Variants in NRG3 observed in about 807,000 individuals in gnomAD.
NRG3 encodes the protein neuregulin 3, also known as pro-neuregulin-3, membrane-bound isoform.
NRG3 carries 31 observed loss-of-function variants against 66.9 expected under a neutral mutation model. That is an observed-to-expected ratio of 0.46 (90% CI 0.35 to 0.63). The LOEUF (loss-of-function observed/expected upper bound fraction) is 0.63. NRG3 is among the 20% of genes least tolerant of loss of function. The pLI, the probability that NRG3 is intolerant of heterozygous loss-of-function variation, is 0.00. For missense variants in NRG3, 910 were observed against 878.9 expected, an observed-to-expected ratio of 1.04 and a Z score of -0.45; for synonymous variants, 393 against 359.4, an observed-to-expected ratio of 1.09 and a Z score of -1.06.
intron 2 of NRG3, among the ~76,000 whole-genome samples, chr10:82,720,189 A>G (rs1248985154): frequency 1.3e-5 from 2 of 152,192 alleles, no homozygotes; most frequent in Non-Finnish European, 2.9e-5. Flanking sequence ...CAGGGGTTCA[A>G]GACCAGCCTG....
chr10:82,510,793 G>A (rs1845098091), intron 2 of NRG3, among the ~76,000 whole-genome samples: 1 of 152,108 alleles, frequency 6.6e-6, no homozygotes, highest in South Asian at 2.1e-4. Flanking sequence ...AGAGGGCAAG[G>A]AAATCCAGGC....
chr10:82,450,832 A>T (rs2090988302), intron 2 of NRG3, among the ~76,000 whole-genome samples: 1 of 152,160 alleles, frequency 6.6e-6, no homozygotes, highest in Non-Finnish European at 1.5e-5. Context: ...CTAATAAAAT[A>T]CTCAACAGTT....
chr10:82,464,466 C>CCA (rs1388444532), intron 2 of NRG3, among the ~76,000 whole-genome samples: 3 of 152,202 alleles, frequency 2.0e-5, no homozygotes. Flanking sequence ...ATCACATGCA[C>CCA]ATGATATCTT....
chr10:82,015,144 T>C (rs1183042785), intron 1 of NRG3, among the ~76,000 whole-genome samples: 4 of 152,146 alleles, frequency 2.6e-5, no homozygotes, highest in East Asian at 1.9e-4. Context: ...GACAACAATG[T>C]TGTAGTTAGC....
chr10:82,424,831 G>A (rs957754549), intron 2 of NRG3, among the ~76,000 whole-genome samples: 4 of 151,450 alleles, frequency 2.6e-5, no homozygotes, highest in African/African-American at 9.7e-5. Flanking sequence ...ATGAGGTCAG[G>A]TTCCAAATTT....
intron 4 of NRG3, among the ~76,000 whole-genome samples, chr10:82,925,700 G>C (rs1846915623): frequency 6.6e-6 from 1 of 152,150 alleles, no homozygotes; most frequent in Non-Finnish European, 1.5e-5. Context: ...GAGAGAGGTA[G>C]GTACAGTTAT....
intron 3 of NRG3, among the ~76,000 whole-genome samples, chr10:82,763,583 A>G (rs1291029628): frequency 6.6e-6 from 1 of 152,206 alleles, no homozygotes; most frequent in Non-Finnish European, 1.5e-5. Flanking sequence ...ATATACGAGT[A>G]AAGAACATTA....
At chr10:81,977,371 T>C (rs1589662531) in intron 1 of NRG3, among the ~76,000 whole-genome samples, 1 of 152,334 alleles carries the variant, frequency 6.6e-6, no homozygotes, top group East Asian at 1.9e-4. Context: ...TGTTAAATTC[T>C]TTAAAAATAT....
At chr10:82,156,621 A>G (rs2071206850) in intron 1 of NRG3, among the ~76,000 whole-genome samples, 1 of 151,684 alleles carries the variant, frequency 6.6e-6, no homozygotes, top group South Asian at 2.1e-4. Context: ...AGAAATTTCT[A>G]GTGAATTTCC....
chr10:82,163,844 T>C (rs889148021), intron 1 of NRG3, among the ~76,000 whole-genome samples: 5 of 152,036 alleles, frequency 3.3e-5, no homozygotes, highest in Admixed American at 3.3e-4. Flanking sequence ...TTATTTTCAG[T>C]GTGGTGAGAT....
At chr10:82,903,514 T>C (rs925839853) in intron 4 of NRG3, among the ~76,000 whole-genome samples, 3 of 152,114 alleles carry the variant, frequency 2.0e-5, no homozygotes, top group Admixed American at 6.6e-5. Context: ...AATTGCTTGA[T>C]ATATACCGTG....
intron 1 of NRG3, among the ~76,000 whole-genome samples, chr10:82,190,062 G>C (rs755053452): frequency 2.0e-5 from 3 of 152,104 alleles, no homozygotes; most frequent in Non-Finnish European, 2.9e-5. Context: ...TTCAGAACGG[G>C]GTCTTCCAAA....
chr10:82,559,943 T>G (rs1005828619), intron 2 of NRG3, among the ~76,000 whole-genome samples: 3 of 152,054 alleles, frequency 2.0e-5, no homozygotes, highest in Admixed American at 1.3e-4. Flanking sequence ...AAGTTTTGTT[T>G]TGCTTAAAAT....
intron 3 of NRG3, among the ~76,000 whole-genome samples, chr10:82,793,392 G>A (rs1034960381): frequency 2.6e-5 from 4 of 152,074 alleles, no homozygotes; most frequent in Non-Finnish European, 5.9e-5. Context: ...ATTAGGGAGA[G>A]GGTAGATATG....
At chr10:82,607,901 A>T (rs1319805096) in intron 2 of NRG3, among the ~76,000 whole-genome samples, 2 of 152,142 alleles carry the variant, frequency 1.3e-5, no homozygotes, top group Non-Finnish European at 2.9e-5. Context: ...TTATAACATT[A>T]TGTTCATTCA....
At chr10:82,447,959 A>G (rs1264677547) in intron 2 of NRG3, among the ~76,000 whole-genome samples, 1 of 152,204 alleles carries the variant, frequency 6.6e-6, no homozygotes, top group East Asian at 1.9e-4. Context: ...CAGTTCCGTT[A>G]CGCCTTTTAA....
chr10:82,175,458 T>C (rs2072957534), intron 1 of NRG3, among the ~76,000 whole-genome samples: 1 of 152,192 alleles, frequency 6.6e-6, no homozygotes, highest in Non-Finnish European at 1.5e-5. Flanking sequence ...CAGACTATAC[T>C]TTCCTCTAAA....
intron 3 of NRG3, among the ~76,000 whole-genome samples, chr10:82,767,012 T>C (rs2059540298): frequency 6.7e-6 from 1 of 149,416 alleles, no homozygotes; most frequent in African/African-American, 2.4e-5. Context: ...ATATATGATA[T>C]ATATAAATCC....
rs191713291 is a variant in NRG3, at chr10:82,376,198, G to A, written c.953+17330G>A. Among the ~76,000 whole-genome samples, 583 of 152,246 alleles carry A rather than the reference G, an allele frequency of 3.8e-3. 1 individual carries two copies. Among genetic ancestry groups the A allele is most frequent in the African/African-American group, 0.013 (549 of 41,556 alleles). On this transcript the variant is annotated intron_variant, in intron 2 of 8. Transcript: ENST00000372141. Reference sequence around the variant, plus strand: ...GCCTTATCTAGCAAGGCTTTACACCGGAGCTCTTCCACTTTAGCTGCAGAG... The same window carrying A: ...GCCTTATCTAGCAAGGCTTTACACCAGAGCTCTTCCACTTTAGCTGCAGAG...
Sources: gnomAD v4.1 joint callset for allele counts (sites outside exome capture counted in the v4.1 genomes callset) on GRCh38, gnomAD v4.1.1 for gene constraint, MANE v1.5 for transcripts, NCBI Gene and HGNC (gene_info 2026-07-23, HGNC 2026-07-21) for gene names.